TCERG1L: variants seen among roughly 807,000 people sequenced by gnomAD.
The protein encoded by TCERG1L is transcription elongation regulator 1 like.
TCERG1L carries 37 observed loss-of-function variants against 56.3 expected under a neutral mutation model. The ratio of observed to expected loss-of-function variants is 0.66; its 90% CI spans 0.51 to 0.87. The LOEUF is 0.87. Among genes scored for constraint, TCERG1L ranks in the 40% least tolerant of loss-of-function variants. The probability of loss-of-function intolerance (pLI) is 0.00; values close to 1 mark genes in which losing one functional copy is unlikely to be tolerated. For synonymous variants in TCERG1L, 324 were observed against 326.3 expected (o/e 0.99, Z 0.08); for missense variants, 799 against 774.2 (o/e 1.03, Z -0.38).
At chr10:131,249,381 T>G (rs1415197600) in intron 4 of TCERG1L, among the ~76,000 whole-genome samples, 1 of 148,670 alleles carries the variant, frequency 6.7e-6, no homozygotes, top group Non-Finnish European at 1.5e-5. Context: ...GGGTCCCCAG[T>G]ATAGGGGCTT....
chr10:131,226,139 C>T (rs1845788965), intron 4 of TCERG1L, among the ~76,000 whole-genome samples: 1 of 152,166 alleles, frequency 6.6e-6, no homozygotes, highest in Non-Finnish European at 1.5e-5. Flanking sequence ...TGGAGTGTCA[C>T]TAGGTTGCCT....
At chr10:131,281,440 C>T (rs1356789825) in intron 3 of TCERG1L, among the ~76,000 whole-genome samples, 1 of 152,124 alleles carries the variant, frequency 6.6e-6, no homozygotes, top group Non-Finnish European at 1.5e-5. Flanking sequence ...AAAGACAATG[C>T]TACCTGAAAT....
At chr10:131,096,898 A>AG (rs1366871763) in intron 11 of TCERG1L, among the ~76,000 whole-genome samples, 1 of 143,372 alleles carries the variant, frequency 7.0e-6, no homozygotes, top group Non-Finnish European at 1.5e-5. Flanking sequence ...AAAAAAAAAA[A>AG]GAAAGAAAAA....
chr10:131,283,253 T>A (rs1256240104), intron 3 of TCERG1L, among the ~76,000 whole-genome samples: 1 of 152,158 alleles, frequency 6.6e-6, no homozygotes, highest in Non-Finnish European at 1.5e-5. Flanking sequence ...TTCTTTCCAT[T>A]TCCCAGGAAA....
chr10:131,219,104 C>T (rs1447072996), intron 4 of TCERG1L, among the ~76,000 whole-genome samples: 2 of 152,164 alleles, frequency 1.3e-5, no homozygotes, highest in East Asian at 3.9e-4. Context: ...TCCTCTCCGT[C>T]CTGGCTCTGC....
intron 9 of TCERG1L, among the ~76,000 whole-genome samples, chr10:131,114,933 T>C (rs1845440481): frequency 6.6e-6 from 1 of 152,224 alleles, no homozygotes; most frequent in South Asian, 2.1e-4. Context: ...ATTCAGAAAC[T>C]CAGAATTACG....
chr10:131,233,859 T>C (rs1291413498), intron 4 of TCERG1L, among the ~76,000 whole-genome samples: 1 of 152,194 alleles, frequency 6.6e-6, no homozygotes, highest in Non-Finnish European at 1.5e-5. Flanking sequence ...CCCTCATAAA[T>C]GGCTTGATGC....
intron 3 of TCERG1L, among the ~76,000 whole-genome samples, chr10:131,295,547 A>C (rs1304491555): frequency 1.3e-5 from 2 of 152,262 alleles, no homozygotes. Context: ...CATTTTGCTA[A>C]TGAAATATGA....
At chr10:131,226,295 T>C (rs936373483) in intron 4 of TCERG1L, among the ~76,000 whole-genome samples, 3 of 151,824 alleles carry the variant, frequency 2.0e-5, no homozygotes, top group African/African-American at 7.3e-5. Context: ...CAGGCTGGTC[T>C]TGAACTCCTG....
intron 4 of TCERG1L, among the ~76,000 whole-genome samples, chr10:131,183,828 G>A (rs1012105989): frequency 4.6e-5 from 7 of 152,222 alleles, no homozygotes; most frequent in Admixed American, 2.6e-4. Flanking sequence ...ACATTATGGC[G>A]CGTGTGTCTG....
rs138317229 is a variant in TCERG1L, at chr10:131,271,447, C to A, written c.671-11003G>T. On this transcript the variant is annotated intron_variant, in intron 3 of 11. Coordinates refer to ENST00000368642, the MANE Select transcript of TCERG1L (RefSeq NM_174937.4). Reference sequence around the variant, plus strand: ...GCAGAGGAGGTGCCCACAGAAGGCACGTGGCTGGAGAGGCCTGCTGACCCC... The same window carrying A: ...GCAGAGGAGGTGCCCACAGAAGGCAAGTGGCTGGAGAGGCCTGCTGACCCC... Among the ~76,000 whole-genome samples the A allele has an allele frequency of 3.9e-5, 6 of 152,336 alleles. No homozygotes were observed. In the East Asian group the frequency reaches 9.7e-4, roughly 25 times the overall value.
At chr10:131,200,273 G>C (rs61861200) in intron 4 of TCERG1L, among the ~76,000 whole-genome samples, 1 of 152,160 alleles carries the variant, frequency 6.6e-6, no homozygotes, top group South Asian at 2.1e-4. Flanking sequence ...AGCTGAGGCT[G>C]GGTATTTTAT....
intron 4 of TCERG1L, among the ~76,000 whole-genome samples, chr10:131,236,753 C>T (rs1312058152): frequency 6.6e-6 from 1 of 152,098 alleles, no homozygotes; most frequent in Non-Finnish European, 1.5e-5. Context: ...AGGAGCCTCT[C>T]CTCTGAGAAG....
At chr10:131,128,811 G>A (rs955614107) in intron 8 of TCERG1L, among the ~76,000 whole-genome samples, 5 of 152,104 alleles carry the variant, frequency 3.3e-5, no homozygotes, top group African/African-American at 7.2e-5. Context: ...CTTGCATCAC[G>A]AAAAGACAGA....
chr10:131,134,368 C>A lies in TCERG1L; in HGVS notation c.1259+11G>T, dbSNP rs184742056. ...GGGAAAGATCTGCTGGGGAAGAGCA[C>A]GGCCACCTACCGGTTCCTCTTGGTT... On this transcript the variant is annotated intron_variant, in intron 8 of 11. Coordinates refer to ENST00000368642, the MANE Select transcript of TCERG1L (RefSeq NM_174937.4). 3 of 1,578,362 alleles carry A rather than the reference C, an allele frequency of 1.9e-6. No homozygotes were observed. The highest frequency in any genetic ancestry group is 2.6e-6 in the Non-Finnish European group (3 of 1,161,060).
At chr10:131,307,901 C>G (rs1589779792) in intron 3 of TCERG1L, among the ~76,000 whole-genome samples, 1 of 151,808 alleles carries the variant, frequency 6.6e-6, no homozygotes, top group South Asian at 2.1e-4. Context: ...AATTAGTGCC[C>G]CTATTAAGAG....
chr10:131,219,710 C>G (rs748763484), intron 4 of TCERG1L, among the ~76,000 whole-genome samples: 1 of 152,170 alleles, frequency 6.6e-6, no homozygotes, highest in Non-Finnish European at 1.5e-5. Flanking sequence ...CCGCGGCATC[C>G]CTGGGGCGTT....
At chr10:131,107,408 G>C (rs1187328116) in intron 9 of TCERG1L, among the ~76,000 whole-genome samples, 1 of 152,166 alleles carries the variant, frequency 6.6e-6, no homozygotes, top group Non-Finnish European at 1.5e-5. Context: ...GGTCAGATAA[G>C]CCATCTCTAC....
chr10:131,134,931 CAT>C (rs1845659019), intron 7 of TCERG1L, among the ~76,000 whole-genome samples: 2 of 152,222 alleles, frequency 1.3e-5, no homozygotes, highest in South Asian at 4.1e-4. Context: ...CCCTACCCCA[CAT>C]GTGGCCATGC....
Sources: allele counts gnomAD v4.1 joint callset (sites outside exome capture counted in the v4.1 genomes callset), GRCh38; gene constraint gnomAD v4.1.1; transcripts MANE v1.5; gene names NCBI Gene and HGNC (gene_info 2026-07-23, HGNC 2026-07-21).